Variants in SORCS2 observed in about 807,000 individuals in gnomAD.
SORCS2 encodes the protein sortilin related VPS10 domain containing receptor 2, also known as VPS10 domain-containing receptor SorCS2.
A neutral mutation model predicts 141.6 loss-of-function variants in SORCS2; 100 were observed. That is an observed-to-expected ratio of 0.71 (90% CI 0.60 to 0.83). SORCS2 has a LOEUF of 0.83. SORCS2 is among the 40% of genes least tolerant of loss of function. The pLI is 0.00. For missense variants in SORCS2, 1,646 were observed against 1,560.2 expected (o/e 1.05, Z -0.93); for synonymous variants, 789 against 676.9 (o/e 1.17, Z -2.57).
chr4:7,721,310 A>G (rs558933870), intron 18 of SORCS2, among the ~76,000 whole-genome samples: 188 of 152,284 alleles, frequency 1.2e-3, no homozygotes, highest in Middle Eastern at 6.8e-3. Flanking sequence ...GCTAAAAAAA[A>G]CAAAACTTAG....
intron 2 of SORCS2, among the ~76,000 whole-genome samples, chr4:7,531,050 A>G (rs753760011): frequency 6.6e-6 from 1 of 152,180 alleles, no homozygotes; most frequent in Non-Finnish European, 1.5e-5. Context: ...AGAGGGAAAG[A>G]GGCAAGCAGA....
chr4:7,555,183 A>T (rs1714018979), intron 3 of SORCS2, among the ~76,000 whole-genome samples: 1 of 152,218 alleles, frequency 6.6e-6, no homozygotes, highest in African/African-American at 2.4e-5. Flanking sequence ...TGGTAATTGC[A>T]TGAGATGGAC....
rs572460897 is a variant in SORCS2, at chr4:7,481,839, G to A, written c.549-49691G>A. On this transcript the variant is annotated intron_variant, in intron 2 of 26. Coordinates refer to ENST00000507866, the MANE Select transcript of SORCS2 (RefSeq NM_020777.3). ...AACGAGAGAGAACGCTGGCAACGGC[G>A]ACCTTTGTCACGCTGGATGGTTCTG... 3.2e-4 allele frequency among the ~76,000 whole-genome samples: 48 copies of A among 152,206 alleles called. No individual in the cohort carries two copies. In the South Asian group the frequency reaches 3.7e-3, roughly 12 times the overall value.
At chr4:7,668,495 G>A (rs770579222) in intron 8 of SORCS2, among the ~76,000 whole-genome samples, 1 of 152,184 alleles carries the variant, frequency 6.6e-6, no homozygotes, top group South Asian at 2.1e-4. Context: ...GGGGCCAGCA[G>A]CTCTGGGCCC....
chr4:7,635,310 C>T (rs1720169628), intron 3 of SORCS2, among the ~76,000 whole-genome samples: 2 of 152,146 alleles, frequency 1.3e-5, no homozygotes, highest in African/African-American at 4.8e-5. Context: ...GTGTGACCTC[C>T]CTGTGCCTCA....
At chr4:7,554,969 C>T (rs986202173) in intron 3 of SORCS2, among the ~76,000 whole-genome samples, 1 of 152,174 alleles carries the variant, frequency 6.6e-6, no homozygotes, top group Non-Finnish European at 1.5e-5. Context: ...GCAAGTGCAT[C>T]AAAGTCATCA....
intron 4 of SORCS2, among the ~76,000 whole-genome samples, chr4:7,653,458 G>A (rs1229420093): frequency 1.3e-5 from 2 of 152,072 alleles, no homozygotes; most frequent in Non-Finnish European, 2.9e-5. Flanking sequence ...GGTCAGGCTG[G>A]TCTCGAACTC....
At chr4:7,605,978 G>T (rs1365817421) in intron 3 of SORCS2, among the ~76,000 whole-genome samples, 2 of 152,338 alleles carry the variant, frequency 1.3e-5, no homozygotes, top group Non-Finnish European at 1.5e-5. Context: ...CTGAAAGGAT[G>T]CACATGCAGC....
At chr4:7,728,150 G>A (rs1244510579) in intron 21 of SORCS2, among the ~76,000 whole-genome samples, 200 bp from the exon 22 acceptor site, 1 of 152,198 alleles carries the variant, frequency 6.6e-6, no homozygotes, top group Non-Finnish European at 1.5e-5. Flanking sequence ...GGCATCCAGG[G>A]AAGGAGCTGG....
At chr4:7,710,434 A>G (rs757244) in intron 14 of SORCS2, among the ~76,000 whole-genome samples, 126,354 of 152,286 alleles carry the variant, frequency 0.83, 52,503 homozygotes, top group African/African-American at 0.87. Context: ...TGCTGCTGCT[A>G]TACCTTCCAT....
chr4:7,350,443 C>A lies in SORCS2; in HGVS notation c.481-45845C>A, dbSNP rs534118489. Among the ~76,000 whole-genome samples the A allele has an allele frequency of 2.6e-5, 4 of 152,370 alleles. No individual in the cohort carries two copies. In the East Asian group the frequency reaches 7.7e-4, roughly 29 times the overall value. On this transcript the variant is annotated intron_variant, in intron 1 of 26. Coordinates refer to ENST00000507866, the MANE Select transcript of SORCS2 (RefSeq NM_020777.3). ...TGGATCTAGGGAGGGCCTCGGGTGCCCTGCTTAGGAATTTTGACCTTTGAT... is the reference window on the plus strand; with the variant it reads ...TGGATCTAGGGAGGGCCTCGGGTGCACTGCTTAGGAATTTTGACCTTTGAT...
chr4:7,301,390 G>T (rs2108899690), intron 1 of SORCS2, among the ~76,000 whole-genome samples: 1 of 152,358 alleles, frequency 6.6e-6, no homozygotes. Flanking sequence ...GGAGGGACGA[G>T]GGTGGCCAGG....
In SORCS2 at chr4:7,702,154, G is replaced by C. The variant is rs556588260; in HGVS notation, c.1669-1126G>C. Among the ~76,000 whole-genome samples the C allele has an allele frequency of 4.6e-5, 7 of 152,322 alleles. No homozygotes were observed. The South Asian group carries it at 1.2e-3, about 27-fold the overall frequency. On this transcript the variant is annotated intron_variant, in intron 12 of 26. Transcript: ENST00000507866. ...GGATGAGCGTGCTGGCCCTAGTGGG[G>C]TCTGCCTGGGGTGGCTGTCCTCTGT...
intron 2 of SORCS2, among the ~76,000 whole-genome samples, chr4:7,478,105 A>C (rs1328379486): frequency 6.6e-6 from 1 of 152,180 alleles, no homozygotes; most frequent in Non-Finnish European, 1.5e-5. Context: ...TGTGTTAAGC[A>C]GCCCCTCCAG....
intron 1 of SORCS2, among the ~76,000 whole-genome samples, chr4:7,251,131 A>G (rs1284333160): frequency 6.6e-6 from 1 of 152,240 alleles, no homozygotes; most frequent in East Asian, 1.9e-4. Flanking sequence ...AGCCCAATTC[A>G]AAGTAGCATG....
intron 2 of SORCS2, among the ~76,000 whole-genome samples, chr4:7,467,164 G>A (rs1189327694): frequency 6.6e-6 from 1 of 152,210 alleles, no homozygotes; most frequent in Non-Finnish European, 1.5e-5. Context: ...CATGCCACAA[G>A]TGGTCCCCTG....
chr4:7,370,198 C>A (rs1722159741), intron 1 of SORCS2, among the ~76,000 whole-genome samples: 1 of 152,164 alleles, frequency 6.6e-6, no homozygotes, highest in African/African-American at 2.4e-5. Flanking sequence ...GAGGGCATAA[C>A]CACCAGGCTG....
intron 1 of SORCS2, among the ~76,000 whole-genome samples, chr4:7,363,213 A>G (rs1474699693): frequency 6.6e-6 from 1 of 151,246 alleles, no homozygotes; most frequent in African/African-American, 2.4e-5. Flanking sequence ...CACCACCACC[A>G]CCACCATTAC....
chr4:7,231,692 C>T lies in SORCS2; in HGVS notation c.480+38566C>T, dbSNP rs77341253. ...CCTGCACCAGGGGCCAGGCAGCATC[C>T]GGTGGGGACACAGAGGAGAGGGTCG... On this transcript the variant is annotated intron_variant, in intron 1 of 26. Transcript: ENST00000507866. 6.3e-4 allele frequency among the ~76,000 whole-genome samples: 96 copies of T among 152,312 alleles called. No individual in the cohort carries two copies. In the East Asian group the frequency reaches 9.3e-3, roughly 15 times the overall value.
Sources: gnomAD v4.1 joint callset for allele counts (sites outside exome capture counted in the v4.1 genomes callset) on GRCh38, gnomAD v4.1.1 for gene constraint, MANE v1.5 for transcripts, NCBI Gene and HGNC (gene_info 2026-07-23, HGNC 2026-07-21) for gene names.